The following TUBGCP5 variants were observed in gnomAD, a reference collection of about 807,000 sequenced individuals.
TUBGCP5 encodes the protein tubulin gamma complex component 5.
A neutral mutation model predicts 134.7 loss-of-function variants in TUBGCP5; 98 were observed. That is an observed-to-expected ratio of 0.73 (90% CI 0.62 to 0.86). The LOEUF is 0.86. Among genes scored for constraint, TUBGCP5 ranks in the 40% least tolerant of loss-of-function variants. TUBGCP5 has a pLI of 0.00. For missense variants in TUBGCP5, 1,150 were observed against 1,244.8 expected, an observed-to-expected ratio of 0.92 and a Z score of 1.15; for synonymous variants, 456 against 431.4, an observed-to-expected ratio of 1.06 and a Z score of -0.71.
intron 9 of TUBGCP5, among the ~76,000 whole-genome samples, 159 bp downstream of exon 9, chr15:23,024,576 TTC>T: frequency 6.6e-6 from 1 of 152,190 alleles, no homozygotes; most frequent in Non-Finnish European, 1.5e-5. Context: ...AACTCAATTT[TTC>T]TTTTTGGATA....
At chr15:23,019,777 C>T (rs1204824677) in intron 11 of TUBGCP5, among the ~76,000 whole-genome samples, 1 of 149,768 alleles carries the variant, frequency 6.7e-6, no homozygotes, top group Admixed American at 6.7e-5. Flanking sequence ...AGCCTGGCAA[C>T]AGAGTGACAC....
chr15:22,991,878 G>GT (rs1287679906), intron 23 of TUBGCP5, among the ~76,000 whole-genome samples: 2 of 152,170 alleles, frequency 1.3e-5, no homozygotes, highest in African/African-American at 2.4e-5. Flanking sequence ...GATTAGTCAA[G>GT]TTGGTCTTTT....
chr15:22,995,362 C>T (rs1290923842), downstream of TUBGCP5, among the ~76,000 whole-genome samples: 1 of 152,018 alleles, frequency 6.6e-6, no homozygotes, highest in Admixed American at 6.6e-5. Context: ...CCCCTGGATT[C>T]TGTTGGGAAG....
At chr15:23,032,688 C>G (rs1486866645) in intron 4 of TUBGCP5, 40 bp downstream of exon 4, 1 of 1,379,146 alleles carries the variant, frequency 7.3e-7, no homozygotes, top group South Asian at 1.4e-5. Context: ...CAAACAATTT[C>G]TCTTTTACTT....
intron 22 of TUBGCP5, 52 bp downstream of exon 22, chr15:23,000,517 C>G: frequency 6.3e-7 from 1 of 1,595,604 alleles, no homozygotes; most frequent in Non-Finnish European, 8.5e-7. Context: ...GACACATACA[C>G]TTAGTTACAA....
chr15:23,024,654 T>C (rs2063248705), intron 9 of TUBGCP5, 83 bp downstream of exon 9: 2 of 777,922 alleles, frequency 2.6e-6, no homozygotes, highest in Non-Finnish European at 4.0e-6. Flanking sequence ...ATAGCAATTT[T>C]AATATTGTAA....
At chr15:23,012,237 C>T (rs1364615728) in intron 13 of TUBGCP5, among the ~76,000 whole-genome samples, 2 of 151,876 alleles carry the variant, frequency 1.3e-5, no homozygotes, top group Non-Finnish European at 2.9e-5. Context: ...ACACTTCTGA[C>T]AGTGGCCCTG....
intron 13 of TUBGCP5, among the ~76,000 whole-genome samples, chr15:23,012,778 C>T (rs750208090): frequency 1.3e-5 from 2 of 152,178 alleles, no homozygotes; most frequent in Admixed American, 1.3e-4. Flanking sequence ...CCATGGTTCA[C>T]GGCCCTCAAG....
intron 3 of TUBGCP5, among the ~76,000 whole-genome samples, chr15:23,034,495 T>TA (rs2066473591): frequency 6.6e-6 from 1 of 152,158 alleles, no homozygotes; most frequent in Non-Finnish European, 1.5e-5. Flanking sequence ...AGTGTTCCAA[T>TA]GAAAAATAAA....
chr15:22,993,136 G>T (rs547888636), intron 23 of TUBGCP5, among the ~76,000 whole-genome samples: 1 of 152,304 alleles, frequency 6.6e-6, no homozygotes, highest in East Asian at 1.9e-4. Context: ...GTCTCGCTCT[G>T]TCGCCCAGGC....
Position 23,013,971 on chromosome 15 carries a change from A to AG in TUBGCP5, c.1757-2641dup, listed in dbSNP as rs1280648649. ...CCCCAGCTATGTGGAGCCTGGGCCC[A>AG]GGATCGACTGGTGATTCTGGTCCTG... On this transcript the variant is annotated intron_variant, in intron 13 of 22. Transcript: ENST00000615383. This position sits in a 1 kb window ranked among gnomAD's most constrained non-coding sequence, Gnocchi z 4.5. Among the ~76,000 whole-genome samples, 3 of 152,290 alleles carry AG rather than the reference A, an allele frequency of 2.0e-5. No homozygotes were observed. Among genetic ancestry groups the AG allele is most frequent in the Non-Finnish European group, 2.9e-5 (2 of 68,004 alleles).
chr15:23,019,679 C>T (rs745460718), intron 11 of TUBGCP5, among the ~76,000 whole-genome samples: 2 of 151,778 alleles, frequency 1.3e-5, no homozygotes, highest in Non-Finnish European at 2.9e-5. Flanking sequence ...CGCCTGTAGT[C>T]CTGGCTACTT....
rs1180964697 is a variant in TUBGCP5, at chr15:23,024,022, T to C, written c.1093A>G (p.Met365Val). Residue 365 changes from methionine (M) to valine (V), a missense_variant, in exon 10 of 23, where the codon ATG becomes GTG. Met to Val is a conservative substitution (Grantham distance 21). This residue lies in a region of TUBGCP5 where 697 missense variants were observed against 850.1 expected (regional missense o/e 0.82). Transcript: ENST00000615383. ...EAPFRTYQAF[M>V]WALYKYFISF... ...ATGAAATATTTGTACAGGGCCCACA[T>C]GAAAGCCTGGTAGGTTCTAAAGGGA... is the stretch of plus-strand genomic sequence containing the variant. The C allele has an allele frequency of 1.2e-6, 2 of 1,614,142 alleles. No homozygotes were observed. The highest frequency in any genetic ancestry group is 8.5e-7 in the Non-Finnish European group (1 of 1,180,002).
In TUBGCP5 at chr15:23,011,141, G is replaced by A; in HGVS notation, c.1947C>T (p.Asn649=). The change falls in exon 14 of 23, where the codon AAC becomes AAT. Residue 649 remains asparagine (N), a synonymous_variant. Transcript: ENST00000615383. ...TTGCAGGTGTGTCTCACCTTGCAAA[G>A]TTAATGGCAAGCAGTGGATCATGAA... ...DDVHDPLLAI[N]FARMYLEQSD... The A allele has an allele frequency of 6.2e-7, 1 of 1,614,024 alleles. No individual in the cohort carries two copies. Among genetic ancestry groups the A allele is most frequent in the South Asian group, 1.1e-5 (1 of 91,064 alleles).
At chr15:23,026,076 A>C in intron 8 of TUBGCP5, 40 bp downstream of exon 8, 1 of 1,512,952 alleles carries the variant, frequency 6.6e-7, no homozygotes, top group South Asian at 1.2e-5. Flanking sequence ...CTCAGTAATC[A>C]AGTCTCATAA....
intron 23 of TUBGCP5, among the ~76,000 whole-genome samples, chr15:22,993,525 GTTTTTTTTTT>G (rs71414252): frequency 0.1 from 7,190 of 69,110 alleles, 369 homozygotes; most frequent in African/African-American, 0.16. Flanking sequence ...AGCCCCCGAA[GTTTTTTTTTT>G]TTTTTTTTTT....
chr15:23,002,990 A>C, intron 21 of TUBGCP5, 75 bp downstream of exon 21: 1 of 1,455,778 alleles, frequency 6.9e-7, no homozygotes, highest in Non-Finnish European at 9.6e-7. Flanking sequence ...GGCTGGGAAG[A>C]CCCTGTCTCT....
At position 23,003,590 on chromosome 15, in the gene TUBGCP5, G is replaced by A. The variant is rs573800731; in HGVS notation, c.2839-437C>T. Among the ~76,000 whole-genome samples, 6 of 144,464 alleles carry A rather than the reference G, an allele frequency of 4.2e-5. No homozygotes were observed. The East Asian group carries it at 1.2e-3, about 29-fold the overall frequency. The allele number at this position is 144,464 out of a possible 152,430, so 94.8% of individuals were successfully genotyped here. Reference sequence around the variant, plus strand: ...GACTATCACACATAGTTCTCATGTTGCTCTTAGATACAATTTCTACGAATA... The same window carrying A: ...GACTATCACACATAGTTCTCATGTTACTCTTAGATACAATTTCTACGAATA... On this transcript the variant is annotated intron_variant, in intron 20 of 22. Coordinates refer to ENST00000615383, the MANE Select transcript of TUBGCP5 (RefSeq NM_052903.6).
intron 21 of TUBGCP5, among the ~76,000 whole-genome samples, chr15:23,002,018 A>G (rs912334384): frequency 1.3e-5 from 2 of 151,666 alleles, no homozygotes; most frequent in African/African-American, 2.4e-5. Flanking sequence ...TGGTTGATAG[A>G]CTTCTTAAGT....
Sources: allele counts gnomAD v4.1 joint callset (sites outside exome capture counted in the v4.1 genomes callset), GRCh38; gene constraint gnomAD v4.1.1; regional missense constraint gnomAD v4.1.1; non-coding constraint Gnocchi (gnomAD v3.1); transcripts MANE v1.5; gene names NCBI Gene and HGNC (gene_info 2026-07-23, HGNC 2026-07-21).